The following ABCG4 variants were observed in gnomAD, a reference collection of about 807,000 sequenced individuals.
ABCG4 encodes ATP binding cassette subfamily G member 4, also known as ATP-binding cassette sub-family G member 4.
A neutral mutation model predicts 64.6 loss-of-function variants in ABCG4; 35 were observed. That is an observed-to-expected ratio of 0.54 (90% CI 0.41 to 0.72). The LOEUF is 0.72. ABCG4 is among the 30% of genes least tolerant of loss of function. The pLI, the probability that ABCG4 is intolerant of heterozygous loss-of-function variation, is 0.00. For missense variants in ABCG4, 610 were observed against 846.3 expected (o/e 0.72, Z 3.46); for synonymous variants, 326 against 348.2 (o/e 0.94, Z 0.71).
rs909120995 is a variant in ABCG4, at chr11:119,155,963, T to G, written c.687-366T>G. ...TCTCTGACTACCCTCCAACACCTGC[T>G]ACAGCTGAGCTGAATCCGCCCCCTC... On this transcript the variant is annotated intron_variant, in intron 6 of 14. Transcript: ENST00000619701. The surrounding 1 kb of genome is among the most constrained non-coding windows in gnomAD (Gnocchi z 4.5). 9 of 258,754 alleles carry G rather than the reference T, an allele frequency of 3.5e-5. No individual in the cohort carries two copies. Among genetic ancestry groups the G allele is most frequent in the Non-Finnish European group, 6.9e-5 (9 of 130,802 alleles). 16.0% of individuals were successfully genotyped at this position (258,754 alleles called of 1,614,324 possible).
Position 119,158,242 on chromosome 11 carries a change from T to A in ABCG4, c.1077T>A (p.Asp359Glu). Residue 359 changes from aspartate (D) to glutamate (E), a missense_variant, in exon 10 of 15, where the codon GAT becomes GAA. By Grantham distance (45) the Asp-to-Glu change is conservative (BLOSUM62 2). Transcript: ENST00000619701. The surrounding 1 kb of genome is among the most constrained non-coding windows in gnomAD (Gnocchi z 4.5). ...CAATTTCTTCTTCCCAGGAAGTGGA[T>A]CCCATTGAAAGCCACACCTTTGCCA... ...APCPPCPPEV[D>E]PIESHTFATS... 6.3e-7 allele frequency: 1 copy of A among 1,587,634 alleles called. No individual in the cohort carries two copies. The highest frequency in any genetic ancestry group is 8.6e-7 in the Non-Finnish European group (1 of 1,161,408).
At chr11:119,151,667 TG>T (rs1948194542) in intron 2 of ABCG4, among the ~76,000 whole-genome samples, 1 of 152,260 alleles carries the variant, frequency 6.6e-6, no homozygotes, top group African/African-American at 2.4e-5. Context: ...GTAATAACCC[TG>T]TAAGTCCTTG....
rs1179039605 is a variant in ABCG4, at chr11:119,160,274, C to T, written c.1485C>T (p.Gly495=). The T allele has an allele frequency of 1.2e-6, 2 of 1,613,628 alleles. No individual in the cohort carries two copies. Among genetic ancestry groups the T allele is most frequent in the African/African-American group, 2.7e-5 (2 of 74,928 alleles). ...GCAGCATTGTGTACTGGATGACGGG[C>T]CAGCCCGCTGAGACCAGCCGCTTCC... ...VYCSIVYWMT[G]QPAETSRFLL... is the part of the protein sequence containing the mutation. Residue 495 remains glycine (G), a synonymous_variant, in exon 13 of 15, where the codon GGC becomes GGT. Transcript: ENST00000619701. The surrounding 1 kb of genome is among the most constrained non-coding windows in gnomAD (Gnocchi z 4.6).
chr11:119,160,527 T>C lies in ABCG4; in HGVS notation c.1597-11T>C. 1 of 1,608,308 alleles carries C rather than the reference T, an allele frequency of 6.2e-7. No individual in the cohort carries two copies. Among genetic ancestry groups the C allele is most frequent in the Non-Finnish European group, 8.5e-7 (1 of 1,178,574 alleles). On this transcript the variant is annotated splice_polypyrimidine_tract_variant and intron_variant, in intron 13 of 14. Transcript: ENST00000619701. This position sits in a 1 kb window ranked among gnomAD's most constrained non-coding sequence, Gnocchi z 4.6. The stretch of plus-strand genomic sequence containing the variant: ...CCCTATGATGGCCTGGCCCCCTCCC[T>C]TCCCCTCTAGGTGGCCACTTTTGTG...
rs2135114842 is a variant in ABCG4 at position 119,149,723 on chromosome 11, G to A, written c.-12-231G>A. The A allele has an allele frequency of 1.6e-6, 1 of 606,814 alleles. No homozygotes were observed. Among genetic ancestry groups the A allele is most frequent in the Non-Finnish European group, 2.8e-6 (1 of 357,016 alleles). The allele number at this position is 606,814 out of a possible 1,614,324, so 37.6% of individuals were successfully genotyped here. A position where few individuals can be genotyped will look rare whatever the true frequency, so the allele number is the denominator to read the frequency against. ...TTAGAGAAGCCGCCGGGAGGAAGGA[G>A]CGATTGAGGGCTTCAAGGGGACGGG... On this transcript the variant is annotated intron_variant, in intron 1 of 14. Coordinates refer to ENST00000619701, the MANE Select transcript of ABCG4 (RefSeq NM_022169.5). The surrounding 1 kb of genome is among the most constrained non-coding windows in gnomAD (Gnocchi z 8.3).
Position 119,156,995 on chromosome 11 carries a change from C to CA in ABCG4, c.1050dup (p.Cys351MetfsTer12). 6.2e-7 allele frequency: 1 copy of CA among 1,610,540 alleles called. No individual in the cohort carries two copies. The highest frequency in any genetic ancestry group is 8.5e-7 in the Non-Finnish European group (1 of 1,178,374). The stretch of plus-strand genomic sequence containing the variant: ...CCTGAGAAGAACGAGGTCCCTGCCC[C>CA]ATGCCCTCCTTGTCCTCCGGTGAGT... On this transcript the variant is annotated frameshift_variant, in exon 9 of 15. Transcript: ENST00000619701. LOFTEE classifies it high-confidence loss of function. This position sits in a 1 kb window ranked among gnomAD's most constrained non-coding sequence, Gnocchi z 5.5.
chr11:119,152,453 C>G (rs1180266311), intron 2 of ABCG4, among the ~76,000 whole-genome samples: 1 of 151,860 alleles, frequency 6.6e-6, no homozygotes, highest in African/African-American at 2.4e-5. Flanking sequence ...AATATGCCAT[C>G]CCTTCACTGT....
At chr11:119,151,968 A>G (rs1046775585) in intron 2 of ABCG4, among the ~76,000 whole-genome samples, 2 of 152,220 alleles carry the variant, frequency 1.3e-5, no homozygotes, top group Non-Finnish European at 2.9e-5. Flanking sequence ...TGTGAAGCTC[A>G]GCTGAGACGG....
rs1948234153 is a variant in ABCG4 at position 119,154,293 on chromosome 11, T to C, written c.390T>C (p.Asn130=). Residue 130 remains asparagine, a synonymous_variant, in exon 4 of 15, where the codon AAT becomes AAC. Coordinates refer to ENST00000619701, the MANE Select transcript of ABCG4 (RefSeq NM_022169.5). The surrounding 1 kb of genome is among the most constrained non-coding windows in gnomAD (Gnocchi z 7.0). ...ESGMKGQILV[N]GRPRELRTFR... ...GAATGAAGGGGCAGATCCTGGTTAA[T>C]GGAAGGCCACGGGAGCTGAGGACCT... 1.2e-6 allele frequency: 2 copies of C among 1,614,162 alleles called. No homozygotes were observed. The highest frequency in any genetic ancestry group is 1.7e-6 in the Non-Finnish European group (2 of 1,180,010).
In ABCG4 at chr11:119,154,851, C is replaced by A; in HGVS notation, c.622C>A (p.Arg208Ser). The change falls in exon 6 of 15, where the codon CGT becomes AGT. Residue 208 changes from arginine (R) to serine (S), a missense_variant. Physicochemically the swap from Arg to Ser is moderately radical, Grantham distance 110. Coordinates refer to ENST00000619701, the MANE Select transcript of ABCG4 (RefSeq NM_022169.5). This position sits in a 1 kb window ranked among gnomAD's most constrained non-coding sequence, Gnocchi z 7.0. Reference protein sequence around the residue: ...TALLSGGQRKRLAIALELVNN... With the variant: ...TALLSGGQRKSLAIALELVNN... ...CCTGCTCTCTGGCGGGCAGAGGAAG[C>A]GTCTGGCCATCGCCCTGGAGCTGGT... 1 of 1,614,050 alleles carries A rather than the reference C, an allele frequency of 6.2e-7. No individual in the cohort carries two copies. The highest frequency in any genetic ancestry group is 1.1e-5 in the South Asian group (1 of 91,084).
Position 119,158,784 on chromosome 11 carries a change from G to T in ABCG4, c.1337-45G>T, listed in dbSNP as rs201004594. ...TGTGGGTGCTGGGGCTTGGGGCAGG[G>T]GCCAGGGTGTCGGCCGGGTGTGCCT... is the stretch of plus-strand genomic sequence containing the variant. On this transcript the variant is annotated intron_variant, in intron 11 of 14. Coordinates refer to ENST00000619701, the MANE Select transcript of ABCG4 (RefSeq NM_022169.5). The surrounding 1 kb of genome is among the most constrained non-coding windows in gnomAD (Gnocchi z 4.5). The T allele has an allele frequency of 1.7e-5, 28 of 1,614,020 alleles. No homozygotes were observed. Among genetic ancestry groups the T allele is most frequent in the Non-Finnish European group, 2.3e-5 (27 of 1,180,012 alleles).
chr11:119,153,154 A>C (rs1254087283), intron 2 of ABCG4: 1 of 152,428 alleles, frequency 6.6e-6, no homozygotes, highest in Non-Finnish European at 1.5e-5. Flanking sequence ...ATCTCATTGA[A>C]TCTTTACAAC....
rs1437464118 is a variant in ABCG4 at position 119,161,177 on chromosome 11, T to G, written c.*71T>G. ...CAGTCCCAGCCCTTTGGGACTGTTT[T>G]AACCTTATAGACTTGGGCACTGGTT... On this transcript the variant is annotated 3_prime_UTR_variant, in exon 15 of 15. Transcript: ENST00000619701. 8.4e-6 allele frequency: 12 copies of G among 1,428,888 alleles called. No individual in the cohort carries two copies. The highest frequency in any genetic ancestry group is 1.1e-5 in the Non-Finnish European group (12 of 1,047,378). 88.5% of individuals were successfully genotyped at this position (1,428,888 alleles called of 1,614,324 possible).
intron 12 of ABCG4, among the ~76,000 whole-genome samples, chr11:119,159,982 G>A (rs1460888760): frequency 6.6e-6 from 1 of 151,928 alleles, no homozygotes; most frequent in Admixed American, 6.6e-5. Flanking sequence ...GAAGGGAAGA[G>A]TCACCGTGCC....
In ABCG4 at chr11:119,154,749, G is replaced by A; in HGVS notation, c.541-21G>A. On this transcript the variant is annotated intron_variant, in intron 5 of 14. Transcript: ENST00000619701. This position sits in a 1 kb window ranked among gnomAD's most constrained non-coding sequence, Gnocchi z 7.0. ...AAGCAGAGACTCCGAAGCTGACCTGGCATGGGTGGGGTGGGGCCAGGTGAC... is the reference window on the plus strand; with the variant it reads ...AAGCAGAGACTCCGAAGCTGACCTGACATGGGTGGGGTGGGGCCAGGTGAC... The A allele has an allele frequency of 4.4e-6, 7 of 1,603,252 alleles. No individual in the cohort carries two copies. Among genetic ancestry groups the A allele is most frequent in the Non-Finnish European group, 6.0e-6 (7 of 1,172,012 alleles).
Position 119,158,789 on chromosome 11 carries a change from G to C in ABCG4, c.1337-40G>C. On this transcript the variant is annotated intron_variant, in intron 11 of 14. Coordinates refer to ENST00000619701, the MANE Select transcript of ABCG4 (RefSeq NM_022169.5). This position sits in a 1 kb window ranked among gnomAD's most constrained non-coding sequence, Gnocchi z 4.5. ...GTGCTGGGGCTTGGGGCAGGGGCCA[G>C]GGTGTCGGCCGGGTGTGCCTAAGCA... 1 of 1,614,150 alleles carries C rather than the reference G, an allele frequency of 6.2e-7. No individual in the cohort carries two copies. Among genetic ancestry groups the C allele is most frequent in the Non-Finnish European group, 8.5e-7 (1 of 1,179,972 alleles).
rs904025761 is a variant in ABCG4, at chr11:119,149,617, G to A, written c.-13+254G>A. The A allele has an allele frequency of 1.0e-5, 3 of 301,330 alleles. No individual in the cohort carries two copies. The highest frequency in any genetic ancestry group is 2.1e-5 in the African/African-American group (1 of 47,284). 18.7% of individuals were successfully genotyped at this position (301,330 alleles called of 1,614,324 possible). ...CTGCTACCCCGACCTCCTAGAGCGG[G>A]CAGCCTCTGCCGGCTGCCTCTTCTC... On this transcript the variant is annotated intron_variant, in intron 1 of 14. Transcript: ENST00000619701. This position sits in a 1 kb window ranked among gnomAD's most constrained non-coding sequence, Gnocchi z 8.3.
Position 119,156,582 on chromosome 11 carries a change from G to C in ABCG4, c.829G>C (p.Gly277Arg). The stretch of plus-strand genomic sequence containing the variant: ...GCTGCAGCTCTACATCCTGAGCCAG[G>C]GTCAGTGCATCTTCAAAGGCGTGGT... ...MFDKLYILSQ[G>R]QCIFKGVVTN... The change falls in exon 8 of 15, where the codon GGT becomes CGT. Residue 277 changes from glycine to arginine, a missense_variant. Physicochemically the swap from Gly to Arg is moderately radical, Grantham distance 125. Transcript: ENST00000619701. The surrounding 1 kb of genome is among the most constrained non-coding windows in gnomAD (Gnocchi z 5.5). 1.2e-6 allele frequency: 2 copies of C among 1,614,102 alleles called. No individual in the cohort carries two copies. Among genetic ancestry groups the C allele is most frequent in the Non-Finnish European group, 8.5e-7 (1 of 1,180,028 alleles).
Position 119,157,132 on chromosome 11 carries a change from A to G in ABCG4, c.1068+118A>G, listed in dbSNP as rs963761239. The G allele has an allele frequency of 2.9e-6, 4 of 1,392,606 alleles. No homozygotes were observed. The African/African-American group carries it at 4.4e-5, about 15-fold the overall frequency. 86.3% of individuals were successfully genotyped at this position (1,392,606 alleles called of 1,614,324 possible). A position where few individuals can be genotyped will look rare whatever the true frequency, so the allele number is the denominator to read the frequency against. The stretch of plus-strand genomic sequence containing the variant: ...GGCATTGCAACCAATGGGTGCTAGG[A>G]AGAACCTAGGACTTGGAATCGACCT... On this transcript the variant is annotated intron_variant, in intron 9 of 14. Coordinates refer to ENST00000619701, the MANE Select transcript of ABCG4 (RefSeq NM_022169.5).
Sources: gnomAD v4.1 joint callset for allele counts (sites outside exome capture counted in the v4.1 genomes callset) on GRCh38, gnomAD v4.1.1 for gene constraint, Gnocchi (gnomAD v3.1) non-coding constraint, MANE v1.5 for transcripts, NCBI Gene and HGNC (gene_info 2026-07-23, HGNC 2026-07-21) for gene names.